DIS3L2: variants seen among roughly 807,000 people sequenced by gnomAD.
DIS3L2 encodes DIS3-like exonuclease 2.
In DIS3L2, 34 loss-of-function variants were observed where a neutral mutation model predicts 97.5. The ratio of observed to expected loss-of-function variants is 0.35; its 90% CI spans 0.27 to 0.46. The LOEUF (loss-of-function observed/expected upper bound fraction) is 0.46, where lower values mean the gene tolerates loss of function less well. Among genes scored for constraint, DIS3L2 ranks in the 20% least tolerant of loss-of-function variants. The pLI is 1.00. For missense variants in DIS3L2, 1,038 were observed against 1,146.0 expected, an observed-to-expected ratio of 0.91 and a Z score of 1.36; for synonymous variants, 435 against 445.2, an observed-to-expected ratio of 0.98 and a Z score of 0.29.
chr2:232,213,438 A>G (rs1692242576), intron 10 of DIS3L2, among the ~76,000 whole-genome samples: 2 of 152,140 alleles, frequency 1.3e-5, no homozygotes, highest in Admixed American at 1.3e-4. Context: ...AAACAGTTTT[A>G]TGGTGGCACT....
chr2:232,149,480 G>A (rs1690336096), intron 8 of DIS3L2, among the ~76,000 whole-genome samples: 1 of 144,604 alleles, frequency 6.9e-6, no homozygotes, highest in Non-Finnish European at 1.5e-5. Context: ...AGTTTACTGA[G>A]AATGATGGTT....
chr2:232,200,325 C>G (rs1004328733), intron 9 of DIS3L2, among the ~76,000 whole-genome samples: 6 of 152,146 alleles, frequency 3.9e-5, no homozygotes, highest in Non-Finnish European at 8.8e-5. Context: ...TCTAACTCTG[C>G]TAGCTGAAAG....
chr2:232,128,451 A>ATTTTTTTTTTTTTTTTTTTTTT (rs10682281), intron 6 of DIS3L2, among the ~76,000 whole-genome samples: 2 of 71,678 alleles, frequency 2.8e-5, no homozygotes, highest in African/African-American at 1.2e-4. Flanking sequence ...AACTTTGCTA[A>ATTTTTTTTTTTTTTTTTTTTTT]TTTTTTTTTT....
intron 12 of DIS3L2, among the ~76,000 whole-genome samples, chr2:232,250,024 T>C (rs1441753335): frequency 1.3e-5 from 2 of 152,154 alleles, no homozygotes; most frequent in Non-Finnish European, 2.9e-5. Flanking sequence ...TGCCTATGCG[T>C]ATCATAGGGA....
intron 14 of DIS3L2, chr2:232,307,497 A>G (rs1695017686): frequency 6.7e-6 from 1 of 149,258 alleles, no homozygotes; most frequent in Admixed American, 6.6e-5. Flanking sequence ...AATTACAGTC[A>G]CTTACATCAG....
intron 5 of DIS3L2, among the ~76,000 whole-genome samples, chr2:232,052,861 A>T (rs1022629029): frequency 5.9e-5 from 9 of 151,918 alleles, no homozygotes; most frequent in Non-Finnish European, 1.0e-4. Flanking sequence ...TTCACATTCC[A>T]GTGGCATTTG....
chr2:232,256,816 GAATA>G (rs955246024), intron 12 of DIS3L2, among the ~76,000 whole-genome samples: 4 of 152,156 alleles, frequency 2.6e-5, no homozygotes, highest in East Asian at 1.9e-4. Flanking sequence ...ATAAATGAAT[GAATA>G]AATAAATAAA....
intron 9 of DIS3L2, among the ~76,000 whole-genome samples, chr2:232,184,142 A>G (rs1037370267): frequency 2.6e-5 from 4 of 152,206 alleles, no homozygotes; most frequent in African/African-American, 7.2e-5. Context: ...GAGTTACACT[A>G]AATTTGATTT....
chr2:232,113,369 G>C (rs1445580122), intron 6 of DIS3L2, among the ~76,000 whole-genome samples: 1 of 152,120 alleles, frequency 6.6e-6, no homozygotes, highest in Admixed American at 6.6e-5. Flanking sequence ...ATAGTATGCT[G>C]TTCCCTTATG....
At chr2:232,016,186 A>C (rs1574813311) in intron 3 of DIS3L2, among the ~76,000 whole-genome samples, 1 of 152,184 alleles carries the variant, frequency 6.6e-6, no homozygotes, top group Non-Finnish European at 1.5e-5. Flanking sequence ...AATAGACAGT[A>C]TTTGTTGAGT....
rs73095642 is a variant in DIS3L2, at chr2:232,140,732, C to A, written c.950+4013C>A. 6.6e-3 allele frequency among the ~76,000 whole-genome samples: 1,004 copies of A among 152,282 alleles called. 22 individuals carry two copies. The highest frequency in any genetic ancestry group is 0.023 in the African/African-American group (967 of 41,550). ...TGCTGTAAGCATTGCTTCTCTGACACCCTAGTGCTGCCTTGGGGCCACCAT... is the reference window on the plus strand; with the variant it reads ...TGCTGTAAGCATTGCTTCTCTGACAACCTAGTGCTGCCTTGGGGCCACCAT... On this transcript the variant is annotated intron_variant, in intron 8 of 20. Coordinates refer to ENST00000325385, the MANE Select transcript of DIS3L2 (RefSeq NM_152383.5).
At chr2:232,130,786 C>G (rs149875266) in intron 7 of DIS3L2, 67 bp downstream of exon 7, 11 of 1,586,730 alleles carry the variant, frequency 6.9e-6, no homozygotes, top group Non-Finnish European at 9.4e-6. Flanking sequence ...TTGAAGATCT[C>G]GTGTGATTCA....
At chr2:232,110,561 G>A (rs1697495796) in intron 6 of DIS3L2, among the ~76,000 whole-genome samples, 1 of 152,170 alleles carries the variant, frequency 6.6e-6, no homozygotes, top group African/African-American at 2.4e-5. Context: ...TGTGGATGGA[G>A]CTGGAGGCCA....
chr2:232,301,175 C>T (rs143992001), intron 14 of DIS3L2, among the ~76,000 whole-genome samples: 4 of 152,244 alleles, frequency 2.6e-5, no homozygotes, highest in African/African-American at 9.6e-5. Context: ...GTCATATTTG[C>T]AGAAGCTAAG....
intron 12 of DIS3L2, among the ~76,000 whole-genome samples, chr2:232,253,247 T>C (rs1037915666): frequency 3.3e-5 from 5 of 152,234 alleles, no homozygotes; most frequent in African/African-American, 1.2e-4. Context: ...TGGAGTGCAA[T>C]AGCCACAGGT....
rs184536097 is a variant in DIS3L2 at position 232,134,514 on chromosome 2, A to G, written c.703-1958A>G. On this transcript the variant is annotated intron_variant, in intron 7 of 20. Coordinates refer to ENST00000325385, the MANE Select transcript of DIS3L2 (RefSeq NM_152383.5). Reference sequence around the variant, plus strand: ...GGCATTTGACAGCTTGGGTAAGAGGACTTGAGGTGATAGAATATGGTGGTT... The same window carrying G: ...GGCATTTGACAGCTTGGGTAAGAGGGCTTGAGGTGATAGAATATGGTGGTT... Among the ~76,000 whole-genome samples the G allele has an allele frequency of 2.1e-3, 321 of 152,078 alleles. 2 individuals are homozygous for G. The highest frequency in any genetic ancestry group is 7.3e-3 in the African/African-American group (304 of 41,494).
chr2:231,975,349 G>A (rs1693051781), intron 1 of DIS3L2, among the ~76,000 whole-genome samples: 1 of 151,872 alleles, frequency 6.6e-6, no homozygotes, highest in South Asian at 2.1e-4. Context: ...TCTCTTTGAG[G>A]CTAAGAATCC....
intron 14 of DIS3L2, among the ~76,000 whole-genome samples, chr2:232,301,348 C>T (rs1179194716): frequency 1.3e-5 from 2 of 151,998 alleles, no homozygotes; most frequent in Non-Finnish European, 2.9e-5. Flanking sequence ...CCATCCTGGA[C>T]TTAAGGAGAA....
chr2:232,340,949 G>T (rs1696090259), downstream of DIS3L2: 1 of 470,316 alleles, frequency 2.1e-6, no homozygotes, highest in Non-Finnish European at 4.4e-6. Context: ...GAAAGCTGTA[G>T]AAAAAGAAAT....
Sources: allele counts gnomAD v4.1 joint callset (sites outside exome capture counted in the v4.1 genomes callset), GRCh38; gene constraint gnomAD v4.1.1; transcripts MANE v1.5; gene names NCBI Gene and HGNC (gene_info 2026-07-23, HGNC 2026-07-21).